Variants in LHFPL3 observed in about 807,000 individuals in gnomAD.
LHFPL3 encodes LHFPL tetraspan subfamily member 3 protein.
Under a neutral mutation model 19.3 loss-of-function variants are expected in LHFPL3, and 5 were observed. The ratio of observed to expected loss-of-function variants is 0.26; its 90% confidence interval spans 0.14 to 0.54. The LOEUF (loss-of-function observed/expected upper bound fraction) is 0.54, where lower values mean the gene tolerates loss of function less well. Ranked by LOEUF, LHFPL3 falls within the 20% of genes least tolerant of loss-of-function variation. LHFPL3 has a pLI of 0.94. For missense variants in LHFPL3, 249 were observed against 307.4 expected, an observed-to-expected ratio of 0.81 and a Z score of 1.42; for synonymous variants, 133 against 126.2, an observed-to-expected ratio of 1.05 and a Z score of -0.36.
intron 2 of LHFPL3, among the ~76,000 whole-genome samples, chr7:104,883,047 G>C (rs1308411353): frequency 6.6e-6 from 1 of 152,150 alleles, no homozygotes; most frequent in African/African-American, 2.4e-5. Context: ...AATTTAACTA[G>C]GCATTCTGTA....
chr7:104,652,845 G>A (rs1792056458), intron 1 of LHFPL3, among the ~76,000 whole-genome samples: 1 of 151,810 alleles, frequency 6.6e-6, no homozygotes, highest in African/African-American at 2.4e-5. Context: ...AGGTGACTGG[G>A]CATTTTAAAA....
rs1187220254 is a variant in LHFPL3, at chr7:104,907,061, A to G, written c.*846A>G. The G allele has an allele frequency of 2.0e-5, 3 of 152,630 alleles. No individual in the cohort carries two copies. In the East Asian group the frequency reaches 5.8e-4, roughly 29 times the overall value. 9.5% of individuals were successfully genotyped at this position (152,630 alleles called of 1,614,324 possible). On this transcript the variant is annotated 3_prime_UTR_variant, in exon 3 of 3. Coordinates refer to ENST00000424859, the MANE Select transcript of LHFPL3 (RefSeq NM_199000.3). Reference sequence around the variant, plus strand: ...ACCTTGGAAGCTCACGTGTAATATTATAGGCTACTATCAAATAAACACTTT... The same window carrying G: ...ACCTTGGAAGCTCACGTGTAATATTGTAGGCTACTATCAAATAAACACTTT...
At chr7:104,545,604 G>C (rs1794564013) in intron 1 of LHFPL3, among the ~76,000 whole-genome samples, 1 of 152,116 alleles carries the variant, frequency 6.6e-6, no homozygotes, top group African/African-American at 2.4e-5. Flanking sequence ...GTTCTGATTG[G>C]CTCCAGTAGA....
intron 2 of LHFPL3, among the ~76,000 whole-genome samples, chr7:104,801,309 T>G (rs992153823): frequency 1.3e-5 from 2 of 152,040 alleles, no homozygotes; most frequent in Non-Finnish European, 2.9e-5. Flanking sequence ...GCCAGGGCTC[T>G]CACAATAGGA....
intron 2 of LHFPL3, among the ~76,000 whole-genome samples, chr7:104,824,298 A>C (rs1204606236): frequency 2.8e-5 from 1 of 35,708 alleles, no homozygotes; most frequent in South Asian, 1.5e-3. Flanking sequence ...AATATATTAT[A>C]TATTATATAT....
At chr7:104,669,916 C>T (rs1277208855) in intron 1 of LHFPL3, among the ~76,000 whole-genome samples, 1 of 152,020 alleles carries the variant, frequency 6.6e-6, no homozygotes, top group African/African-American at 2.4e-5. Flanking sequence ...ACGCCTGGAA[C>T]CTGGTTGGGC....
intron 1 of LHFPL3, among the ~76,000 whole-genome samples, chr7:104,692,624 A>G (rs1584483237): frequency 2.0e-5 from 3 of 152,372 alleles, no homozygotes; most frequent in Non-Finnish European, 4.4e-5. Context: ...ATTGCTTCAG[A>G]GGGTGCAAGC....
chr7:104,693,388 T>G (rs904382379), intron 1 of LHFPL3, among the ~76,000 whole-genome samples: 1 of 152,132 alleles, frequency 6.6e-6, no homozygotes, highest in East Asian at 1.9e-4. Flanking sequence ...CAGGGCAGAA[T>G]GATATGGTTT....
intron 1 of LHFPL3, among the ~76,000 whole-genome samples, chr7:104,709,259 A>T (rs1440713568): frequency 7.0e-6 from 1 of 143,188 alleles, no homozygotes; most frequent in African/African-American, 2.6e-5. Flanking sequence ...TTTATTGATC[A>T]TTCTTGGGTG....
chr7:104,374,491 C>T (rs1323621057), intron 1 of LHFPL3, among the ~76,000 whole-genome samples: 1 of 152,222 alleles, frequency 6.6e-6, no homozygotes, highest in South Asian at 2.1e-4. Context: ...CTGCCCTCTT[C>T]GGCCTCCCAA....
intron 2 of LHFPL3, chr7:104,752,947 A>G (rs1284583906): frequency 1.2e-5 from 4 of 333,434 alleles, no homozygotes; most frequent in Non-Finnish European, 2.2e-5. Context: ...ATTACAACTG[A>G]TGAACTGATA....
At chr7:104,587,302 A>G (rs1341625408) in intron 1 of LHFPL3, among the ~76,000 whole-genome samples, 4 of 152,194 alleles carry the variant, frequency 2.6e-5, no homozygotes, top group Admixed American at 2.6e-4. Flanking sequence ...CCAGTGTGTG[A>G]TGTTCCCCAC....
intron 1 of LHFPL3, among the ~76,000 whole-genome samples, chr7:104,666,509 A>ATTTTTTTTTTTTTTTT (rs1315147894): frequency 2.3e-5 from 1 of 44,154 alleles, no homozygotes; most frequent in Non-Finnish European, 4.6e-5. Flanking sequence ...ACAGGATTTC[A>ATTTTTTTTTTTTTTTT]TTCTTTTTTT....
chr7:104,891,222 C>G (rs1024021603), intron 2 of LHFPL3, among the ~76,000 whole-genome samples: 1 of 151,860 alleles, frequency 6.6e-6, no homozygotes, highest in African/African-American at 2.4e-5. Context: ...TTCAGGCAGC[C>G]CCCACAATCA....
intron 2 of LHFPL3, among the ~76,000 whole-genome samples, chr7:104,863,431 T>C (rs1355980083): frequency 1.3e-5 from 2 of 152,204 alleles, no homozygotes. Context: ...TCCCATGTCA[T>C]TTGTCAAAGA....
intron 2 of LHFPL3, among the ~76,000 whole-genome samples, chr7:104,879,566 T>A (rs970354152): frequency 4.6e-5 from 7 of 152,084 alleles, no homozygotes; most frequent in Non-Finnish European, 8.8e-5. Context: ...CAAAATAAAA[T>A]TTTAAAAAAT....
chr7:104,899,402 G>A (rs1317402008), intron 2 of LHFPL3, among the ~76,000 whole-genome samples: 1 of 151,772 alleles, frequency 6.6e-6, no homozygotes, highest in African/African-American at 2.4e-5. Flanking sequence ...ATATTATCAA[G>A]GAAGGCCAAT....
chr7:104,578,002 C>T (rs927064775), intron 1 of LHFPL3, among the ~76,000 whole-genome samples: 16 of 152,158 alleles, frequency 1.1e-4, no homozygotes, highest in African/African-American at 3.4e-4. Flanking sequence ...GTCGGTTTAT[C>T]ATCTTGTGTT....
intron 1 of LHFPL3, among the ~76,000 whole-genome samples, chr7:104,385,288 T>C (rs529445396): frequency 6.6e-6 from 1 of 152,360 alleles, no homozygotes; most frequent in African/African-American, 2.4e-5. Context: ...TGTCTTCCCA[T>C]GTAGATTACC....
Sources: allele counts gnomAD v4.1 joint callset (sites outside exome capture counted in the v4.1 genomes callset), GRCh38; gene constraint gnomAD v4.1.1; transcripts MANE v1.5; gene names NCBI Gene and HGNC (gene_info 2026-07-23, HGNC 2026-07-21).